Variants in CSMD2 observed in about 807,000 individuals in gnomAD.
CSMD2 encodes the protein CUB and sushi domain-containing protein 2.
A neutral mutation model predicts 398.5 loss-of-function variants in CSMD2; 130 were observed. That is an observed-to-expected ratio of 0.33 (90% CI 0.28 to 0.38). The LOEUF is 0.38. CSMD2 is among the 10% of genes least tolerant of loss of function. The probability of loss-of-function intolerance (pLI) is 1.00; values close to 1 mark genes in which losing one functional copy is unlikely to be tolerated. For missense variants in CSMD2, 3,829 were observed against 4,764.9 expected, an observed-to-expected ratio of 0.80 and a Z score of 5.78; for synonymous variants, 1,828 against 1,908.5, an observed-to-expected ratio of 0.96 and a Z score of 1.10.
At chr1:33,588,671 C>A (rs189354986) in intron 44 of CSMD2, among the ~76,000 whole-genome samples, 16 of 152,328 alleles carry the variant, frequency 1.1e-4, no homozygotes, top group African/African-American at 3.8e-4. Flanking sequence ...GATCACCCAA[C>A]AACATGGTGT....
chr1:33,672,832 G>A (rs889489566), intron 25 of CSMD2, among the ~76,000 whole-genome samples: 1 of 152,224 alleles, frequency 6.6e-6, no homozygotes, highest in Non-Finnish European at 1.5e-5. Flanking sequence ...AGCCACCGCT[G>A]CTGATACCCA....
chr1:34,109,012 G>A (rs143077332), intron 1 of CSMD2, among the ~76,000 whole-genome samples: 93 of 152,312 alleles, frequency 6.1e-4, no homozygotes, highest in African/African-American at 2.2e-3. Context: ...GTGGTCACCA[G>A]CTGTTGGATG....
chr1:33,783,168 C>T (rs557747291), intron 12 of CSMD2, among the ~76,000 whole-genome samples: 9 of 152,110 alleles, frequency 5.9e-5, no homozygotes, highest in South Asian at 4.2e-4. Flanking sequence ...TGGTGCTGTT[C>T]GTGAAGATGG....
chr1:34,164,581 G>A lies in CSMD2; in HGVS notation c.187+330C>T, dbSNP rs1485079075. 6.6e-6 allele frequency among the ~76,000 whole-genome samples: 1 copy of A among 152,092 alleles called. No individual in the cohort carries two copies. The highest frequency in any genetic ancestry group is 6.5e-5 in the Admixed American group (1 of 15,288). ...AAAAAGCCTAGCACCGTGGGGGCTG[G>A]GAGGCTGGAGAAACTGAAGCCACAG... On this transcript the variant is annotated intron_variant, in intron 1 of 70. Transcript: ENST00000373381. This position sits in a 1 kb window ranked among gnomAD's most constrained non-coding sequence, Gnocchi z 6.2.
intron 53 of CSMD2, among the ~76,000 whole-genome samples, chr1:33,562,169 C>T (rs570754818): frequency 5.3e-5 from 8 of 152,246 alleles, no homozygotes; most frequent in Non-Finnish European, 1.0e-4. Context: ...ATGTGTTCAT[C>T]GGATTCATCA....
intron 13 of CSMD2, among the ~76,000 whole-genome samples, chr1:33,749,764 G>C (rs549209631): frequency 6.6e-6 from 1 of 152,298 alleles, no homozygotes; most frequent in South Asian, 2.1e-4. Flanking sequence ...GGATAAGATG[G>C]AGCATTTCCT....
At chr1:33,682,449 G>A (rs1426175815) in intron 25 of CSMD2, among the ~76,000 whole-genome samples, 1 of 152,158 alleles carries the variant, frequency 6.6e-6, no homozygotes, top group East Asian at 1.9e-4. Context: ...GCCGATGAGA[G>A]CCAATTTTAT....
chr1:34,061,374 C>T (rs961563629), intron 2 of CSMD2, among the ~76,000 whole-genome samples: 2 of 152,192 alleles, frequency 1.3e-5, no homozygotes, highest in African/African-American at 4.8e-5. Context: ...TTTGGATTGG[C>T]CCCGTTTCGC....
At chr1:33,619,211 G>A (rs80183214) in intron 37 of CSMD2, among the ~76,000 whole-genome samples, 201 of 152,330 alleles carry the variant, frequency 1.3e-3, no homozygotes, top group African/African-American at 4.6e-3. Context: ...TAACCAAGGC[G>A]GCAGAAATGG....
At chr1:33,577,065 G>C (rs944088129) in intron 49 of CSMD2, among the ~76,000 whole-genome samples, 1 of 152,094 alleles carries the variant, frequency 6.6e-6, no homozygotes, top group Non-Finnish European at 1.5e-5. Context: ...CTCCTGACAC[G>C]ACACTTCCTT....
chr1:33,926,167 G>C (rs1644121361), intron 4 of CSMD2, among the ~76,000 whole-genome samples: 1 of 152,188 alleles, frequency 6.6e-6, no homozygotes, highest in South Asian at 2.1e-4. Flanking sequence ...GCACCTAGCA[G>C]ATTTCCTGGC....
chr1:33,631,768 T>A (rs1642481450), intron 32 of CSMD2, among the ~76,000 whole-genome samples: 1 of 152,182 alleles, frequency 6.6e-6, no homozygotes, highest in South Asian at 2.1e-4. Context: ...GAGTTCACCC[T>A]AATTTAACGT....
chr1:33,957,232 CCTCT>C (rs1282222547), intron 3 of CSMD2, among the ~76,000 whole-genome samples: 2 of 152,160 alleles, frequency 1.3e-5, no homozygotes, highest in Non-Finnish European at 2.9e-5. Context: ...AAGCAGGGAG[CCTCT>C]CTGACTCATT....
Position 34,047,384 on chromosome 1 carries a change from C to T in CSMD2, c.405-14678G>A, listed in dbSNP as rs112517844. ...GTCTTTGTTCACATACCCTTTACAC[C>T]GAGGCTTTGATAACTATTCTACTTA... On this transcript the variant is annotated intron_variant, in intron 2 of 70. Coordinates refer to ENST00000373381, the MANE Select transcript of CSMD2 (RefSeq NM_001281956.2). Among the ~76,000 whole-genome samples the T allele has an allele frequency of 3.3e-5, 5 of 152,200 alleles. 1 individual carries two copies. The highest frequency in any genetic ancestry group is 9.6e-5 in the African/African-American group (4 of 41,530).
rs1035712683 is a variant in CSMD2 at position 34,164,193 on chromosome 1, G to T, written c.187+718C>A. Among the ~76,000 whole-genome samples the T allele has an allele frequency of 2.0e-5, 3 of 147,782 alleles. No individual in the cohort carries two copies. Among genetic ancestry groups the T allele is most frequent in the Non-Finnish European group, 4.5e-5 (3 of 66,702 alleles). The stretch of plus-strand genomic sequence containing the variant: ...GCCTGGCGGCGGCACTCCCTCCCCC[G>T]CCTCGGGCTACAACCCCCACCCCCT... On this transcript the variant is annotated intron_variant, in intron 1 of 70. Coordinates refer to ENST00000373381, the MANE Select transcript of CSMD2 (RefSeq NM_001281956.2). The surrounding 1 kb of genome is among the most constrained non-coding windows in gnomAD (Gnocchi z 6.2).
intron 6 of CSMD2, among the ~76,000 whole-genome samples, chr1:33,833,727 T>C (rs1416809298): frequency 5.3e-5 from 8 of 151,840 alleles, no homozygotes; most frequent in South Asian, 2.1e-4. Context: ...TGTTTGCAGA[T>C]GACATGATTG....
chr1:33,600,529 G>A, intron 44 of CSMD2: 1 of 502,430 alleles, frequency 2.0e-6, no homozygotes, highest in East Asian at 3.4e-5. Flanking sequence ...GAACCCGCTA[G>A]AAAGTGCTAA....
At chr1:34,110,170 C>T (rs750144296) in intron 1 of CSMD2, among the ~76,000 whole-genome samples, 3 of 151,568 alleles carry the variant, frequency 2.0e-5, no homozygotes, top group African/African-American at 4.9e-5. Flanking sequence ...CCCAGAATGG[C>T]TACTATTAAA....
In CSMD2 at chr1:33,740,828, C is replaced by T. The variant is rs142936953; in HGVS notation, c.2174-1494G>A. On this transcript the variant is annotated intron_variant, in intron 14 of 70. Transcript: ENST00000373381. Reference sequence around the variant, plus strand: ...CCACATATGAACACACACATACACGCGCGCGCGTGCATGCGCACACACACA... The same window carrying T: ...CCACATATGAACACACACATACACGTGCGCGCGTGCATGCGCACACACACA... Among the ~76,000 whole-genome samples, 236 of 152,282 alleles carry T rather than the reference C, an allele frequency of 1.5e-3. 4 individuals are homozygous for T. Among genetic ancestry groups the T allele is most frequent in the African/African-American group, 5.3e-3 (222 of 41,574 alleles).
Sources: gnomAD v4.1 joint callset for allele counts (sites outside exome capture counted in the v4.1 genomes callset) on GRCh38, gnomAD v4.1.1 for gene constraint, Gnocchi (gnomAD v3.1) non-coding constraint, MANE v1.5 for transcripts, NCBI Gene and HGNC (gene_info 2026-07-23, HGNC 2026-07-21) for gene names.